WDR4: variants seen among roughly 807,000 people sequenced by gnomAD.
WDR4 encodes tRNA (guanine-N(7)-)-methyltransferase non-catalytic subunit WDR4.
In WDR4, 47 loss-of-function variants were observed where a neutral mutation model predicts 48.6. The observed-to-expected ratio is 0.97, with a 90% CI of 0.77 to 1.23. WDR4 has a LOEUF of 1.23. WDR4 is among the 50% of genes most tolerant of loss of function. The pLI is 0.00. For missense variants in WDR4, 606 were observed against 551.6 expected (o/e 1.10, Z -0.99); for synonymous variants, 268 against 230.0 (o/e 1.17, Z -1.49).
chr21:42,883,201 G>A (rs529507590), upstream of WDR4, among the ~76,000 whole-genome samples: 1 of 150,442 alleles, frequency 6.6e-6, no homozygotes, highest in South Asian at 2.1e-4. Flanking sequence ...CTTGAACCGA[G>A]GAGGTGGAGA....
chr21:42,878,899 C>T, intron 1 of WDR4: 1 of 954,440 alleles, frequency 1.0e-6, no homozygotes, highest in African/African-American at 1.8e-5. Flanking sequence ...TGAGTGGATG[C>T]AGGCCGGGAA....
chr21:42,859,615 GCA>G, intron 6 of WDR4, 45 bp downstream of exon 6: 1 of 376,392 alleles, frequency 2.7e-6, no homozygotes, highest in Non-Finnish European at 5.3e-6. Context: ...CACCCTCCCT[GCA>G]GGCTCAAGAA....
chr21:42,848,462 C>T (rs1189935392), downstream of WDR4, among the ~76,000 whole-genome samples: 1 of 102,902 alleles, frequency 9.7e-6, no homozygotes, highest in South Asian at 3.2e-4. Flanking sequence ...ACACAGCGCA[C>T]GATCACGCGG....
chr21:42,866,385 G>A (rs7281800), intron 3 of WDR4, among the ~76,000 whole-genome samples: 38 of 152,172 alleles, frequency 2.5e-4, no homozygotes, highest in African/African-American at 9.2e-4. Context: ...CAGAGCCTAG[G>A]GTCTCGCCCA....
chr21:42,859,791 G>A, intron 5 of WDR4, 69 bp from the exon 6 acceptor site: 4 of 1,484,684 alleles, frequency 2.7e-6, no homozygotes, highest in Non-Finnish European at 3.7e-6. Context: ...GGCCTGGGGA[G>A]GCCGCCTGTT....
chr21:42,848,380 T>TCA (rs1386503696), downstream of WDR4, among the ~76,000 whole-genome samples: 1 of 127,586 alleles, frequency 7.8e-6, no homozygotes, highest in Non-Finnish European at 1.6e-5. Flanking sequence ...GGCCTGCACC[T>TCA]CACTCACACA....
At chr21:42,868,653 C>T (rs2058303236) in intron 3 of WDR4, among the ~76,000 whole-genome samples, 1 of 152,224 alleles carries the variant, frequency 6.6e-6, no homozygotes, top group African/African-American at 2.4e-5. Flanking sequence ...CCTTGGGCCC[C>T]ACAGGCAGCC....
At chr21:42,873,514 T>G (rs1404287932) in intron 3 of WDR4, 37 bp downstream of exon 3, 2 of 1,611,162 alleles carry the variant, frequency 1.2e-6, no homozygotes, top group Non-Finnish European at 8.5e-7. Flanking sequence ...AAGGTGTGCA[T>G]TCGACATCTT....
At chr21:42,879,725 A>T (rs2058590292), upstream of WDR4, 3 of 531,436 alleles carry the variant, frequency 5.6e-6, no homozygotes, top group Non-Finnish European at 1.0e-5. Context: ...CACCAAGGTG[A>T]TCTGATGGAG....
chr21:42,852,188 G>T, intron 10 of WDR4, 67 bp downstream of exon 10: 1 of 1,548,112 alleles, frequency 6.5e-7, no homozygotes. Flanking sequence ...CACAGTGTGT[G>T]CTTCTGCTTT....
chr21:42,848,297 G>A (rs1287996582), downstream of WDR4, among the ~76,000 whole-genome samples: 1 of 151,870 alleles, frequency 6.6e-6, no homozygotes, highest in African/African-American at 2.4e-5. Flanking sequence ...AAATCACGCG[G>A]CGCACACCTC....
chr21:42,892,839 T>C, the WDR4 span, among the ~76,000 whole-genome samples: 1 of 152,108 alleles, frequency 6.6e-6, no homozygotes, highest in African/African-American at 2.4e-5. Context: ...GCTGGGCGCG[T>C]GGTGTGGGCG....
Position 42,850,002 on chromosome 21 carries a change from A to C in WDR4, c.*47T>G. 1 of 1,602,438 alleles carries C rather than the reference A, an allele frequency of 6.2e-7. No homozygotes were observed. Among genetic ancestry groups the C allele is most frequent in the South Asian group, 1.1e-5 (1 of 89,634 alleles). On this transcript the variant is annotated 3_prime_UTR_variant, in exon 11 of 11. Coordinates refer to ENST00000398208, the MANE Select transcript of WDR4 (RefSeq NM_018669.6). ...TGCCAGGATGCAGGGGAACAAGTTA[A>C]AAAGCTTTTCCTAATTTGAGGTGAG...
At chr21:42,853,015 G>A (rs2146002229) in intron 9 of WDR4, among the ~76,000 whole-genome samples, 1 of 152,304 alleles carries the variant, frequency 6.6e-6, no homozygotes, top group South Asian at 2.1e-4. Flanking sequence ...ACGCAGGGCG[G>A]GCAGGGGCAT....
chr21:42,892,588 G>A, the WDR4 span, among the ~76,000 whole-genome samples: 1 of 152,158 alleles, frequency 6.6e-6, no homozygotes, highest in South Asian at 2.1e-4. Flanking sequence ...CCGATGAAAT[G>A]CGAATGGGGC....
chr21:42,854,286 G>T (rs2057925404), intron 8 of WDR4, among the ~76,000 whole-genome samples: 2 of 152,210 alleles, frequency 1.3e-5, no homozygotes, highest in Admixed American at 1.3e-4. Context: ...ACTGGCCCAG[G>T]GGAAAGTCTG....
chr21:42,863,594 G>T lies in WDR4; in HGVS notation c.299C>A (p.Thr100Asn). The T allele has an allele frequency of 6.2e-7, 1 of 1,611,986 alleles. No individual in the cohort carries two copies. The highest frequency in any genetic ancestry group is 2.2e-5 in the East Asian group (1 of 44,780). Reference protein sequence around the residue: ...TKPWQCLSVRTVARRCTALTF... With the variant: ...TKPWQCLSVRNVARRCTALTF... ...CAGGGCTGTACACCTCCTTGCCACG[G>T]TCCTAGAAGGCCAGAAAGACACCCC... The change falls in exon 4 of 11, where the codon ACC (threonine) becomes AAC (asparagine). Residue 100 changes from threonine to asparagine, a missense_variant and splice_region_variant. Transcript: ENST00000398208.
In WDR4 at chr21:42,853,859, G is replaced by A. The variant is rs1209921836; in HGVS notation, c.792-107C>T. ...AGCCCTCGCCGGTGCCACCTCAGGAGAGCCTACGCTGAAAGCCCCAGCTGC... is the reference window on the plus strand; with the variant it reads ...AGCCCTCGCCGGTGCCACCTCAGGAAAGCCTACGCTGAAAGCCCCAGCTGC... On this transcript the variant is annotated intron_variant, in intron 8 of 10. Coordinates refer to ENST00000398208, the MANE Select transcript of WDR4 (RefSeq NM_018669.6). The A allele has an allele frequency of 8.1e-6, 10 of 1,239,794 alleles. No homozygotes were observed. The Admixed American group carries it at 1.9e-4, about 24-fold the overall frequency. 76.8% of individuals were successfully genotyped at this position (1,239,794 alleles called of 1,614,324 possible).
chr21:42,845,836 C>T (rs73231689), downstream of WDR4, among the ~76,000 whole-genome samples: 5,463 of 152,252 alleles, frequency 0.036, 133 homozygotes, highest in Middle Eastern at 0.11. Flanking sequence ...ACAAATGTTC[C>T]AGAAGACGGG....
Sources: allele counts gnomAD v4.1 joint callset (sites outside exome capture counted in the v4.1 genomes callset), GRCh38; gene constraint gnomAD v4.1.1; transcripts MANE v1.5; gene names NCBI Gene and HGNC (gene_info 2026-07-23, HGNC 2026-07-21).